The following CRTC1 variants were observed in gnomAD, a reference collection of about 807,000 sequenced individuals.
CRTC1 encodes CREB-regulated transcription coactivator 1.
In CRTC1, 18 loss-of-function variants were observed where a neutral mutation model predicts 66.1. The observed-to-expected ratio is 0.27, with a 90% CI of 0.19 to 0.40. CRTC1 has a LOEUF of 0.40. CRTC1 is among the 10% of genes least tolerant of loss of function. The pLI, the probability that CRTC1 is intolerant of heterozygous loss-of-function variation, is 1.00. For missense variants in CRTC1, 669 were observed against 887.9 expected (o/e 0.75, Z 3.13); for synonymous variants, 416 against 398.8 (o/e 1.04, Z -0.51).
chr19:18,716,279 A>G (rs369643829), intron 1 of CRTC1, among the ~76,000 whole-genome samples: 186 of 151,186 alleles, frequency 1.2e-3, no homozygotes, highest in Admixed American at 2.0e-3. Context: ...TTGAGACGCA[A>G]TCTTGCTCTG....
rs774182776 is a variant in CRTC1, at chr19:18,768,562, A to G, written c.1089A>G (p.Pro363=). ...TCACCCAGGCGGGCTCCCAGCAGCC[A>G]CCGCCGCAGCCCCAGCCCCCGCCGC... ...AFFTQAGSQQ[P]PPQPQPPPPP... is the part of the protein sequence containing the mutation. Residue 363 remains proline (P), a synonymous_variant, in exon 10 of 14, where the codon CCA becomes CCG. Coordinates refer to ENST00000321949, the MANE Select transcript of CRTC1 (RefSeq NM_015321.3). This position sits in a 1 kb window ranked among gnomAD's most constrained non-coding sequence, Gnocchi z 5.6. 6.3e-7 allele frequency: 1 copy of G among 1,598,984 alleles called. No homozygotes were observed. The highest frequency in any genetic ancestry group is 8.5e-7 in the Non-Finnish European group (1 of 1,174,056).
intron 5 of CRTC1, among the ~76,000 whole-genome samples, chr19:18,753,201 G>A (rs746319144): frequency 6.6e-4 from 101 of 152,068 alleles, no homozygotes; most frequent in Non-Finnish European, 1.1e-3. Context: ...GCGTGAACCC[G>A]GGAGGTGGAG....
At position 18,775,306 on chromosome 19, in the gene CRTC1, C is replaced by G. The variant is rs760634127; in HGVS notation, c.1512+320C>G. ...GGGACCGTGGCTGTGGACGCGGCGC[C>G]TCGGCATGGACCGTGCACGCGGGTT... is the stretch of plus-strand genomic sequence containing the variant. On this transcript the variant is annotated intron_variant, in intron 12 of 13. Coordinates refer to ENST00000321949, the MANE Select transcript of CRTC1 (RefSeq NM_015321.3). 2.0e-5 allele frequency among the ~76,000 whole-genome samples: 3 copies of G among 152,370 alleles called. No individual in the cohort carries two copies. The South Asian group carries it at 6.2e-4, about 32-fold the overall frequency.
At chr19:18,744,268 C>T in intron 2 of CRTC1, 1 of 1,008,776 alleles carries the variant, frequency 9.9e-7, no homozygotes, top group South Asian at 1.6e-5. Context: ...GCCCCTGCGG[C>T]TCCCAGGGAG....
chr19:18,693,337 C>G (rs905848012), intron 1 of CRTC1, among the ~76,000 whole-genome samples: 23 of 150,334 alleles, frequency 1.5e-4, no homozygotes, highest in Admixed American at 1.5e-3. Context: ...TGCAGTGAGC[C>G]GAGATTGTGC....
In CRTC1 at chr19:18,770,815, C is replaced by T. The variant is rs544933777; in HGVS notation, c.1321-627C>T. ...ATATGTGTGTGTGGGTGTGTACATG[C>T]GTGGGTGTGTCCATGTGGGTGTGGG... On this transcript the variant is annotated intron_variant, in intron 10 of 13. Transcript: ENST00000321949. Among the ~76,000 whole-genome samples, 51 of 142,652 alleles carry T rather than the reference C, an allele frequency of 3.6e-4. No individual in the cohort carries two copies. The South Asian group carries it at 5.5e-3, about 15-fold the overall frequency. The allele number at this position is 142,652 out of a possible 152,430, so 93.6% of individuals were successfully genotyped here.
chr19:18,768,712 T>G lies in CRTC1; in HGVS notation c.1239T>G (p.Leu413=). ...SLTRGPQPPP[L]AVTVPSSLPQ... is the part of the protein sequence containing the mutation. ...CTCGTGGGCCACAGCCGCCCCCGCTTGCAGTCACGGTACCGTCCTCTCTCC... is the reference window on the plus strand; with the variant it reads ...CTCGTGGGCCACAGCCGCCCCCGCTGGCAGTCACGGTACCGTCCTCTCTCC... Residue 413 remains leucine (L), a synonymous_variant, in exon 10 of 14, where the codon CTT becomes CTG. Coordinates refer to ENST00000321949, the MANE Select transcript of CRTC1 (RefSeq NM_015321.3). This position sits in a 1 kb window ranked among gnomAD's most constrained non-coding sequence, Gnocchi z 5.6. 1.3e-6 allele frequency: 2 copies of G among 1,594,022 alleles called. No individual in the cohort carries two copies. The highest frequency in any genetic ancestry group is 2.3e-5 in the South Asian group (2 of 87,628).
chr19:18,683,860 G>T, intron 1 of CRTC1, 32 bp downstream of exon 1: 1 of 1,145,166 alleles, frequency 8.7e-7, no homozygotes. Flanking sequence ...ACCCTTCAGG[G>T]CCGGCGGAGG....
At position 18,777,469 on chromosome 19, in the gene CRTC1, C is replaced by T; in HGVS notation, c.*87C>T. ...GCCGTGCTCCGTCCCTCGCCAACGG[C>T]CGAGCTTGTGATTCTGAGCTTGCAA... On this transcript the variant is annotated 3_prime_UTR_variant, in exon 14 of 14. Coordinates refer to ENST00000321949, the MANE Select transcript of CRTC1 (RefSeq NM_015321.3). This position sits in a 1 kb window ranked among gnomAD's most constrained non-coding sequence, Gnocchi z 5.5. The T allele has an allele frequency of 2.4e-6, 3 of 1,265,222 alleles. No individual in the cohort carries two copies. Among genetic ancestry groups the T allele is most frequent in the African/African-American group, 1.5e-5 (1 of 68,376 alleles). 78.4% of individuals were successfully genotyped at this position (1,265,222 alleles called of 1,614,324 possible).
chr19:18,685,739 A>G (rs1017123573), intron 1 of CRTC1, among the ~76,000 whole-genome samples: 5 of 152,276 alleles, frequency 3.3e-5, no homozygotes, highest in Admixed American at 3.3e-4. Flanking sequence ...CTTCTGAGGC[A>G]GGAGTGGCCA....
At chr19:18,702,927 G>A (rs763296288) in intron 1 of CRTC1, among the ~76,000 whole-genome samples, 3 of 152,154 alleles carry the variant, frequency 2.0e-5, no homozygotes, top group East Asian at 1.9e-4. Context: ...TGCGACGGCC[G>A]GGCTGGGACC....
chr19:18,761,545 A>G (rs1295685400), intron 8 of CRTC1, among the ~76,000 whole-genome samples: 1 of 152,100 alleles, frequency 6.6e-6, no homozygotes, highest in Non-Finnish European at 1.5e-5. Flanking sequence ...AGGGCTTTCT[A>G]TGAGATAGTC....
rs551835135 is a variant in CRTC1, at chr19:18,753,957, T to G, written c.624+372T>G. Among the ~76,000 whole-genome samples, 6 of 152,052 alleles carry G rather than the reference T, an allele frequency of 3.9e-5. No homozygotes were observed. In the South Asian group the frequency reaches 1.2e-3, roughly 32 times the overall value. ...TCTACTAAAAATACAAAAAATTAGC[T>G]GGGTATGGTAGTGCACGCCTGTAAT... On this transcript the variant is annotated intron_variant, in intron 6 of 13. Coordinates refer to ENST00000321949, the MANE Select transcript of CRTC1 (RefSeq NM_015321.3).
intron 1 of CRTC1, among the ~76,000 whole-genome samples, chr19:18,735,853 ATGCT>A (rs2053986007): frequency 6.6e-6 from 1 of 152,058 alleles, no homozygotes; most frequent in Non-Finnish European, 1.5e-5. Flanking sequence ...TGGAGATCTA[ATGCT>A]TGCTGCCCGC....
chr19:18,688,013 G>A (rs749245262), intron 1 of CRTC1, among the ~76,000 whole-genome samples: 28 of 152,048 alleles, frequency 1.8e-4, no homozygotes, highest in Non-Finnish European at 2.1e-4. Context: ...GGGGCAGCGC[G>A]TTCATTCCAT....
At position 18,775,736 on chromosome 19, in the gene CRTC1, C is replaced by T; in HGVS notation, c.1608C>T (p.Gly536=). 2 of 1,612,590 alleles carry T rather than the reference C, an allele frequency of 1.2e-6. No homozygotes were observed. The highest frequency in any genetic ancestry group is 2.2e-5 in the South Asian group (2 of 91,054). ...ACTACTCGCAGGCGGCCATGATGGG[C>T]CTCACGGGCAGCCACGGGAGCCTGC... The part of the protein sequence containing the change: ...TLNYSQAAMM[G]LTGSHGSLPD... Residue 536 remains glycine, a synonymous_variant, in exon 13 of 14, where the codon GGC becomes GGT. Transcript: ENST00000321949.
Position 18,778,392 on chromosome 19 carries a change from C to T in CRTC1, c.*1010C>T. On this transcript the variant is annotated 3_prime_UTR_variant, in exon 14 of 14. Transcript: ENST00000321949. ...AGAGCATGTTTTTATTTCAGAAATC[C>T]AACTTTACCTATTTTTTAAGCTAAC... 4.3e-6 allele frequency: 1 copy of T among 231,900 alleles called. No homozygotes were observed. Among genetic ancestry groups the T allele is most frequent in the East Asian group, 6.1e-5 (1 of 16,394 alleles). 14.4% of individuals were successfully genotyped at this position (231,900 alleles called of 1,614,324 possible). A position where few individuals can be genotyped will look rare whatever the true frequency, so the allele number is the denominator to read the frequency against.
rs1034488260 is a variant in CRTC1 at position 18,780,168 on chromosome 19, C to T, written c.*2786C>T. 8.6e-6 allele frequency: 2 copies of T among 231,740 alleles called. No individual in the cohort carries two copies. Among genetic ancestry groups the T allele is most frequent in the Non-Finnish European group, 1.7e-5 (2 of 117,226 alleles). 14.4% of individuals were successfully genotyped at this position (231,740 alleles called of 1,614,324 possible). A position where few individuals can be genotyped will look rare whatever the true frequency, so the allele number is the denominator to read the frequency against. Reference sequence around the variant, plus strand: ...GGTTGCGCCGTGTACATAGACCCGCCGTCTGTGTCCTTGGTCAGGCCCGGA... The same window carrying T: ...GGTTGCGCCGTGTACATAGACCCGCTGTCTGTGTCCTTGGTCAGGCCCGGA... On this transcript the variant is annotated 3_prime_UTR_variant, in exon 14 of 14. Coordinates refer to ENST00000321949, the MANE Select transcript of CRTC1 (RefSeq NM_015321.3).
At chr19:18,697,803 C>A (rs1435145839) in intron 1 of CRTC1, among the ~76,000 whole-genome samples, 1 of 152,254 alleles carries the variant, frequency 6.6e-6, no homozygotes, top group Non-Finnish European at 1.5e-5. Flanking sequence ...ACATGGTGTA[C>A]CCAGTTGGCA....
Sources: allele counts gnomAD v4.1 joint callset (sites outside exome capture counted in the v4.1 genomes callset), GRCh38; gene constraint gnomAD v4.1.1; non-coding constraint Gnocchi (gnomAD v3.1); transcripts MANE v1.5; gene names NCBI Gene and HGNC (gene_info 2026-07-23, HGNC 2026-07-21).